SPG21: variants seen among roughly 807,000 people sequenced by gnomAD.
The protein encoded by SPG21 is SPG21 abhydrolase domain containing, maspardin, also known as maspardin.
Under a neutral mutation model 38.9 loss-of-function variants are expected in SPG21, and 26 were observed. The ratio of observed to expected loss-of-function variants is 0.67; its 90% CI spans 0.49 to 0.93. The LOEUF (loss-of-function observed/expected upper bound fraction) is 0.93, where lower values mean the gene tolerates loss of function less well. SPG21 is among the 40% of genes least tolerant of loss of function. The pLI is 0.00. For missense variants in SPG21, 333 were observed against 376.5 expected, an observed-to-expected ratio of 0.88 and a Z score of 0.96; for synonymous variants, 136 against 128.9, an observed-to-expected ratio of 1.05 and a Z score of -0.37.
At position 64,974,799 on chromosome 15, in the gene SPG21, C is replaced by T. The variant is rs762841527; in HGVS notation, c.307-52G>A. The T allele has an allele frequency of 3.1e-6, 5 of 1,609,444 alleles. No homozygotes were observed. In the African/African-American group the frequency reaches 4.0e-5, roughly 13 times the overall value. On this transcript the variant is annotated intron_variant, in intron 4 of 8. Transcript: ENST00000204566. Reference sequence around the variant, plus strand: ...TTCTGAAATACTGATCAATCTTGAACCTGAGTATTAAAAAGTTGCTTCAAT... The same window carrying T: ...TTCTGAAATACTGATCAATCTTGAATCTGAGTATTAAAAAGTTGCTTCAAT...
At chr15:64,967,308 C>G (rs183206178) in intron 7 of SPG21, among the ~76,000 whole-genome samples, 1 of 151,674 alleles carries the variant, frequency 6.6e-6, no homozygotes, top group Admixed American at 6.6e-5. Flanking sequence ...AGCAGGAACT[C>G]AAACAAATAT....
chr15:64,980,771 A>ACAAT, intron 3 of SPG21, 93 bp downstream of exon 3: 1 of 1,321,434 alleles, frequency 7.6e-7, no homozygotes, highest in East Asian at 2.4e-5. Flanking sequence ...AAACAAACAA[A>ACAAT]CTGTGCCCAT....
chr15:64,970,246 AT>A (rs1164995111), intron 5 of SPG21, 24 bp from the exon 6 acceptor site: 1 of 1,569,732 alleles, frequency 6.4e-7, no homozygotes. Flanking sequence ...AGACCTTATA[AT>A]TTAAACTTCC....
chr15:64,965,267 G>A, intron 8 of SPG21, 53 bp downstream of exon 8: 1 of 1,612,896 alleles, frequency 6.2e-7, no homozygotes, highest in South Asian at 1.1e-5. Flanking sequence ...AAGTCTTTAT[G>A]TTGCAAACAT....
intron 1 of SPG21, among the ~76,000 whole-genome samples, chr15:64,984,331 G>A (rs1034615663): frequency 1.3e-5 from 2 of 151,998 alleles, no homozygotes; most frequent in African/African-American, 4.8e-5. Context: ...GATAGTCCAC[G>A]CTAGAGAAAG....
intron 1 of SPG21, among the ~76,000 whole-genome samples, chr15:64,985,863 C>A (rs1242421083): frequency 6.6e-6 from 1 of 152,172 alleles, no homozygotes; most frequent in East Asian, 1.9e-4. Context: ...TGTAGACATT[C>A]TAACACTAAA....
At chr15:64,965,563 A>T in intron 7 of SPG21, 103 bp from the exon 8 acceptor site, 1 of 1,539,092 alleles carries the variant, frequency 6.5e-7, no homozygotes. Flanking sequence ...TTTTCACATT[A>T]TGGAAATGTT....
chr15:64,970,359 C>G, intron 5 of SPG21, 137 bp from the exon 6 acceptor site: 2 of 710,244 alleles, frequency 2.8e-6, no homozygotes, highest in East Asian at 2.7e-5. Context: ...AGCTCAGCAT[C>G]TAGTTTTTAC....
At chr15:64,973,710 A>G (rs2085718317) in intron 5 of SPG21, among the ~76,000 whole-genome samples, 1 of 152,136 alleles carries the variant, frequency 6.6e-6, no homozygotes, top group Admixed American at 6.6e-5. Context: ...CGGCCTCCCA[A>G]AGTGCTGGGA....
At chr15:64,972,660 G>A (rs766034057) in intron 5 of SPG21, among the ~76,000 whole-genome samples, 2 of 152,054 alleles carry the variant, frequency 1.3e-5, no homozygotes, top group South Asian at 4.2e-4. Flanking sequence ...GTGAAACCCC[G>A]TCTCTACTAA....
At chr15:64,983,735 C>T in intron 1 of SPG21, 142 bp from the exon 2 acceptor site, 1 of 590,052 alleles carries the variant, frequency 1.7e-6, no homozygotes, top group South Asian at 1.9e-5. Flanking sequence ...TATAGTCCAA[C>T]TACAGAAAAC....
At chr15:64,984,555 G>A (rs1287135514) in intron 1 of SPG21, among the ~76,000 whole-genome samples, 1 of 151,958 alleles carries the variant, frequency 6.6e-6, no homozygotes, top group Non-Finnish European at 1.5e-5. Flanking sequence ...GCCTCCCTGT[G>A]TTGCCTGCAC....
chr15:64,974,549 A>T, intron 5 of SPG21, 53 bp downstream of exon 5: 1 of 1,607,994 alleles, frequency 6.2e-7, no homozygotes. Context: ...CAAACACTCA[A>T]AAGCCAACAT....
At chr15:64,974,513 A>G in intron 5 of SPG21, 89 bp downstream of exon 5, 2 of 1,473,842 alleles carry the variant, frequency 1.4e-6, no homozygotes, top group Non-Finnish European at 1.9e-6. Flanking sequence ...ATAGAAGTAG[A>G]TATAAGTCTT....
At chr15:64,967,580 TCTC>T (rs2085567844) in intron 7 of SPG21, among the ~76,000 whole-genome samples, 2 of 151,970 alleles carry the variant, frequency 1.3e-5, no homozygotes, top group Non-Finnish European at 1.5e-5. Context: ...TTCAAGCAAT[TCTC>T]CTGCCTCAGC....
intron 3 of SPG21, among the ~76,000 whole-genome samples, chr15:64,980,240 T>G (rs778631536): frequency 1.3e-5 from 2 of 152,070 alleles, no homozygotes; most frequent in Non-Finnish European, 2.9e-5. Flanking sequence ...AGTTTCTTCA[T>G]CTGTAAAGAA....
At chr15:64,977,037 A>G (rs1366082183) in intron 3 of SPG21, among the ~76,000 whole-genome samples, 1 of 152,076 alleles carries the variant, frequency 6.6e-6, no homozygotes, top group African/African-American at 2.4e-5. Context: ...TAAATGACTT[A>G]GTTACTCTAT....
intron 7 of SPG21, among the ~76,000 whole-genome samples, chr15:64,968,358 A>AG (rs2085588411): frequency 6.6e-6 from 1 of 151,354 alleles, no homozygotes; most frequent in Non-Finnish European, 1.5e-5. Context: ...AAAAAAAAAA[A>AG]AGAAAGAAAT....
At chr15:64,969,951 G>A (rs74019397) in intron 6 of SPG21, among the ~76,000 whole-genome samples, 163 bp downstream of exon 6, 150,097 of 152,308 alleles carry the variant, frequency 0.99, 73,997 homozygotes, top group East Asian at 1. Flanking sequence ...GGGAAGCACT[G>A]ATGTAGGCAA....
Sources: allele counts gnomAD v4.1 joint callset (sites outside exome capture counted in the v4.1 genomes callset), GRCh38; gene constraint gnomAD v4.1.1; transcripts MANE v1.5; gene names NCBI Gene and HGNC (gene_info 2026-07-23, HGNC 2026-07-21).